Variants in NRXN3 observed in about 807,000 individuals in gnomAD.
NRXN3 encodes the protein neurexin III.
Under a neutral mutation model 137.6 loss-of-function variants are expected in NRXN3, and 32 were observed. The ratio of observed to expected loss-of-function variants is 0.23; its 90% CI spans 0.18 to 0.31. The LOEUF (loss-of-function observed/expected upper bound fraction) is 0.31. Ranked by LOEUF, NRXN3 falls within the 10% of genes least tolerant of loss-of-function variation. The pLI, the probability that NRXN3 is intolerant of heterozygous loss-of-function variation, is 1.00. For missense variants in NRXN3, 1,574 were observed against 2,062.5 expected (o/e 0.76, Z 4.59); for synonymous variants, 798 against 784.5 (o/e 1.02, Z -0.29).
chr14:79,701,015 C>T (rs1187272253), intron 19 of NRXN3, among the ~76,000 whole-genome samples: 1 of 152,026 alleles, frequency 6.6e-6, no homozygotes, highest in Admixed American at 6.6e-5. Context: ...TTACTGAATA[C>T]ATCTGAAAAC....
intron 15 of NRXN3, among the ~76,000 whole-genome samples, chr14:79,410,027 T>C (rs1326843767): frequency 6.6e-6 from 1 of 152,040 alleles, no homozygotes; most frequent in African/African-American, 2.4e-5. Flanking sequence ...TATTTATACT[T>C]TCTTCAGATT....
intron 16 of NRXN3, among the ~76,000 whole-genome samples, chr14:79,543,622 T>C (rs1054684062): frequency 3.3e-5 from 5 of 152,192 alleles, no homozygotes; most frequent in Non-Finnish European, 4.4e-5. Context: ...ACAGGCCAGC[T>C]GAGACCTTGA....
chr14:79,538,983 A>G (rs753124941), intron 16 of NRXN3, among the ~76,000 whole-genome samples: 1 of 152,200 alleles, frequency 6.6e-6, no homozygotes, highest in Non-Finnish European at 1.5e-5. Flanking sequence ...TTTACAGTTG[A>G]TGAATCTGAG....
chr14:79,552,210 T>C (rs973339385), intron 16 of NRXN3, among the ~76,000 whole-genome samples: 1 of 152,178 alleles, frequency 6.6e-6, no homozygotes, highest in Non-Finnish European at 1.5e-5. Context: ...TAACATCTAT[T>C]GGGTACCTGC....
chr14:78,823,939 C>T (rs553588838), intron 10 of NRXN3, among the ~76,000 whole-genome samples: 12 of 152,052 alleles, frequency 7.9e-5, no homozygotes, highest in African/African-American at 2.9e-4. Context: ...TGTATATCCC[C>T]CACAGGTCAG....
chr14:79,409,181 C>T (rs1052002682), intron 15 of NRXN3, among the ~76,000 whole-genome samples: 2 of 151,962 alleles, frequency 1.3e-5, no homozygotes, highest in African/African-American at 2.4e-5. Flanking sequence ...CAAGATAACA[C>T]ATTTTTCAAT....
At chr14:79,642,481 C>G (rs1288558159) in intron 16 of NRXN3, among the ~76,000 whole-genome samples, 1 of 135,260 alleles carries the variant, frequency 7.4e-6, no homozygotes, top group African/African-American at 2.5e-5. Flanking sequence ...AATACATTTC[C>G]TCCAATACAT....
chr14:79,161,018 C>T (rs556847272), intron 15 of NRXN3, among the ~76,000 whole-genome samples: 24 of 152,064 alleles, frequency 1.6e-4, no homozygotes, highest in African/African-American at 5.1e-4. Context: ...ACTTCTCTTA[C>T]GTCTATTGCT....
chr14:78,704,900 C>G (rs909357386), intron 6 of NRXN3, among the ~76,000 whole-genome samples: 2 of 152,108 alleles, frequency 1.3e-5, no homozygotes, highest in South Asian at 4.1e-4. Flanking sequence ...TGGTATTGCT[C>G]CTGTGTGTCT....
At chr14:79,832,771 A>G (rs369404353) in intron 20 of NRXN3, among the ~76,000 whole-genome samples, 1 of 152,154 alleles carries the variant, frequency 6.6e-6, no homozygotes, top group African/African-American at 2.4e-5. Context: ...AGTAAAAAAA[A>G]CATAAATTGC....
chr14:78,466,356 G>A (rs1041818513), intron 4 of NRXN3, among the ~76,000 whole-genome samples: 7 of 152,216 alleles, frequency 4.6e-5, no homozygotes, highest in Non-Finnish European at 7.3e-5. Context: ...AAAGGGATAA[G>A]GATGGAGTTT....
At chr14:79,788,156 C>T (rs904878772) in intron 19 of NRXN3, among the ~76,000 whole-genome samples, 7 of 152,084 alleles carry the variant, frequency 4.6e-5, no homozygotes, top group Admixed American at 3.9e-4. Flanking sequence ...AGGGGAACTC[C>T]CCTTTATAAA....
intron 15 of NRXN3, among the ~76,000 whole-genome samples, chr14:79,098,831 A>G (rs2050786334): frequency 6.6e-6 from 1 of 152,196 alleles, no homozygotes. Context: ...TTCAAAGGCC[A>G]AAGGGGAAAA....
intron 17 of NRXN3, among the ~76,000 whole-genome samples, chr14:79,673,509 C>T (rs1488746809): frequency 1.3e-5 from 2 of 152,088 alleles, no homozygotes; most frequent in Non-Finnish European, 2.9e-5. Context: ...CACTTTCAAA[C>T]AGCAGAAACA....
chr14:79,343,017 G>T (rs1264340312), intron 15 of NRXN3, among the ~76,000 whole-genome samples: 1 of 152,132 alleles, frequency 6.6e-6, no homozygotes, highest in Non-Finnish European at 1.5e-5. Flanking sequence ...GGGGGTCGAG[G>T]TGAGGTTTTC....
chr14:79,377,520 G>A (rs906653159), intron 15 of NRXN3, among the ~76,000 whole-genome samples: 11 of 152,070 alleles, frequency 7.2e-5, no homozygotes, highest in African/African-American at 2.7e-4. Flanking sequence ...TTGGGAGGCC[G>A]AGGCAGGCAG....
chr14:79,227,327 T>G (rs1315847757), intron 15 of NRXN3, among the ~76,000 whole-genome samples: 3 of 152,150 alleles, frequency 2.0e-5, no homozygotes, highest in Non-Finnish European at 4.4e-5. Context: ...TACTTTCGTG[T>G]TAATACTTCC....
At chr14:78,400,010 A>G (rs2091900666) in intron 4 of NRXN3, among the ~76,000 whole-genome samples, 1 of 152,198 alleles carries the variant, frequency 6.6e-6, no homozygotes, top group African/African-American at 2.4e-5. Flanking sequence ...TACAATATCT[A>G]TTGTAACAGA....
chr14:79,337,359 G>A (rs1343038842), intron 15 of NRXN3, among the ~76,000 whole-genome samples: 1 of 152,168 alleles, frequency 6.6e-6, no homozygotes, highest in Admixed American at 6.5e-5. Flanking sequence ...CATTAAAGTT[G>A]TTTGAACCAA....
Sources: allele counts gnomAD v4.1 joint callset (sites outside exome capture counted in the v4.1 genomes callset), GRCh38; gene constraint gnomAD v4.1.1; transcripts MANE v1.5; gene names NCBI Gene and HGNC (gene_info 2026-07-23, HGNC 2026-07-21).